ENTPD3: variants seen among roughly 807,000 people sequenced by gnomAD.
ENTPD3 encodes the protein CD39 antigen-like 3.
A neutral mutation model predicts 51.2 loss-of-function variants in ENTPD3; 60 were observed. That is an observed-to-expected ratio of 1.17 (90% CI 0.95 to 1.45). The LOEUF (loss-of-function observed/expected upper bound fraction) is 1.45, where lower values mean the gene tolerates loss of function less well. Ranked by LOEUF, ENTPD3 falls within the 40% of genes most tolerant of loss-of-function variation. The pLI is 0.00. For missense variants in ENTPD3, 593 were observed against 641.1 expected, an observed-to-expected ratio of 0.93 and a Z score of 0.81; for synonymous variants, 221 against 238.4, an observed-to-expected ratio of 0.93 and a Z score of 0.67.
At chr3:40,402,380 A>C (rs1575215111) in intron 4 of ENTPD3, among the ~76,000 whole-genome samples, 5 of 151,938 alleles carry the variant, frequency 3.3e-5, no homozygotes, top group Middle Eastern at 3.4e-3. Flanking sequence ...CGGCCTCCCA[A>C]AGTGCTGGGA....
In ENTPD3 at chr3:40,423,044, T is replaced by A; in HGVS notation, c.1026T>A (p.Phe342Leu). 1 of 1,614,146 alleles carries A rather than the reference T, an allele frequency of 6.2e-7. No individual in the cohort carries two copies. Among genetic ancestry groups the A allele is most frequent in the Non-Finnish European group, 8.5e-7 (1 of 1,180,002 alleles). The change falls in exon 8 of 11, where the codon TTT (phenylalanine) becomes TTA (leucine). Residue 342 changes from phenylalanine (F) to leucine (L), a missense_variant. Phe to Leu is a conservative substitution (Grantham distance 22). Coordinates refer to ENST00000301825, the MANE Select transcript of ENTPD3 (RefSeq NM_001248.4). ...GTAAGGAGAAGGTGGCTTCCATATT[T>A]GACTTCAAAGCTTGCCATGATCAAG... is the stretch of plus-strand genomic sequence containing the variant. ...SLCKEKVASI[F>L]DFKACHDQET... is the part of the protein sequence containing the mutation.
At chr3:40,406,227 G>T (rs1288933311) in intron 4 of ENTPD3, among the ~76,000 whole-genome samples, 1 of 152,150 alleles carries the variant, frequency 6.6e-6, no homozygotes, top group Admixed American at 6.5e-5. Context: ...ATGTGTGGGG[G>T]AAGAACATGC....
At chr3:40,420,152 A>G (rs72863254) in intron 7 of ENTPD3, among the ~76,000 whole-genome samples, 4,647 of 152,286 alleles carry the variant, frequency 0.031, 259 homozygotes, top group African/African-American at 0.11. Flanking sequence ...AGACTATACT[A>G]GAAAAGAAAA....
intron 7 of ENTPD3, among the ~76,000 whole-genome samples, chr3:40,418,072 G>A (rs977995534): frequency 1.3e-5 from 2 of 152,136 alleles, no homozygotes; most frequent in African/African-American, 4.8e-5. Context: ...CCTTTCTGAG[G>A]TCTGATTTAG....
At chr3:40,388,585 G>GACACACACACACACAC (rs55657804) in intron 2 of ENTPD3, among the ~76,000 whole-genome samples, 42 of 126,282 alleles carry the variant, frequency 3.3e-4, no homozygotes, top group East Asian at 8.9e-4. Flanking sequence ...CACACACACA[G>GACACACACACACACAC]ACACACACAC....
chr3:40,397,855 T>A (rs1955246231), intron 3 of ENTPD3, among the ~76,000 whole-genome samples: 1 of 152,148 alleles, frequency 6.6e-6, no homozygotes. Flanking sequence ...TGTCTTCAGA[T>A]CCACATTTGA....
In ENTPD3 at chr3:40,409,496, C is replaced by T. The variant is rs138652855; in HGVS notation, c.287-2316C>T. On this transcript the variant is annotated intron_variant, in intron 4 of 10. Coordinates refer to ENST00000301825, the MANE Select transcript of ENTPD3 (RefSeq NM_001248.4). ...GTTGAGAAAGCCTGTCCTTGCTTCT[C>T]TAGCACTGTCGATGAAATCCACGTC... Among the ~76,000 whole-genome samples the T allele has an allele frequency of 4.2e-3, 632 of 152,276 alleles. 2 individuals are homozygous for T. The highest frequency in any genetic ancestry group is 0.014 in the African/African-American group (579 of 41,550).
At position 40,391,835 on chromosome 3, in the gene ENTPD3, T is replaced by C. The variant is rs1955062496; in HGVS notation, c.41-188T>C. 7.6e-6 allele frequency: 5 copies of C among 657,200 alleles called. No homozygotes were observed. In the Admixed American group the frequency reaches 1.1e-4, roughly 14 times the overall value. The allele number at this position is 657,200 out of a possible 1,614,324, so 40.7% of individuals were successfully genotyped here. Reference sequence around the variant, plus strand: ...TGAGGAAGGGCAAATAGGTATTGTTTGTGCTTCCCCAAAACTGGGGAGAAG... The same window carrying C: ...TGAGGAAGGGCAAATAGGTATTGTTCGTGCTTCCCCAAAACTGGGGAGAAG... On this transcript the variant is annotated intron_variant, in intron 2 of 10. Coordinates refer to ENST00000301825, the MANE Select transcript of ENTPD3 (RefSeq NM_001248.4).
At chr3:40,411,714 C>G in intron 4 of ENTPD3, 98 bp from the exon 5 acceptor site, 1 of 1,345,312 alleles carries the variant, frequency 7.4e-7, no homozygotes, top group Non-Finnish European at 1.0e-6. Flanking sequence ...CTACCAAACC[C>G]CAATAATTTT....
chr3:40,389,925 T>C (rs1383141904), intron 2 of ENTPD3, among the ~76,000 whole-genome samples: 1 of 152,212 alleles, frequency 6.6e-6, no homozygotes, highest in Non-Finnish European at 1.5e-5. Flanking sequence ...ATCTATCCAA[T>C]TGCTGTTCAA....
chr3:40,412,391 T>C (rs1057401961), intron 5 of ENTPD3, among the ~76,000 whole-genome samples: 1 of 152,250 alleles, frequency 6.6e-6, no homozygotes, highest in African/African-American at 2.4e-5. Context: ...AACAATGGCA[T>C]GTCTGCACCT....
chr3:40,401,706 C>T (rs1310020656), intron 4 of ENTPD3, among the ~76,000 whole-genome samples: 1 of 152,154 alleles, frequency 6.6e-6, no homozygotes, highest in Non-Finnish European at 1.5e-5. Context: ...ATATAATTCT[C>T]ATATCATGAA....
At chr3:40,392,721 C>T (rs1427254344) in intron 3 of ENTPD3, among the ~76,000 whole-genome samples, 3 of 151,794 alleles carry the variant, frequency 2.0e-5, no homozygotes, top group Admixed American at 6.6e-5. Context: ...TTCGAGAGGC[C>T]GAGGAAGAAG....
chr3:40,388,639 C>A (rs1954995640), intron 2 of ENTPD3, among the ~76,000 whole-genome samples: 1 of 150,472 alleles, frequency 6.6e-6, no homozygotes, highest in African/African-American at 2.4e-5. Context: ...TAAGCTTGCC[C>A]CGCCTGCCTC....
intron 2 of ENTPD3, among the ~76,000 whole-genome samples, chr3:40,388,767 G>A (rs1482013715): frequency 6.6e-6 from 1 of 152,154 alleles, no homozygotes; most frequent in East Asian, 1.9e-4. Flanking sequence ...ACAGCTCTAG[G>A]CTGCATTTCC....
intron 4 of ENTPD3, among the ~76,000 whole-genome samples, chr3:40,409,170 T>C (rs1955570922): frequency 6.6e-6 from 1 of 152,030 alleles, no homozygotes; most frequent in Non-Finnish European, 1.5e-5. Flanking sequence ...GAGAATCACT[T>C]GAACCTGGGA....
In ENTPD3 at chr3:40,400,928, CCA is replaced by C. The variant is rs747075884; in HGVS notation, c.206_207del (p.Thr69SerfsTer13). 7.4e-6 allele frequency: 12 copies of C among 1,613,956 alleles called. No homozygotes were observed. Among genetic ancestry groups the C allele is most frequent in the Non-Finnish European group, 1.0e-5 (12 of 1,179,984 alleles). ...GTGCTGGATGCCGGGTCTTCAAGAA[CCA>C]CAGTCTACGTGTATCAATGGCCAGC... On this transcript the variant is annotated frameshift_variant, in exon 4 of 11. Transcript: ENST00000301825. LOFTEE classifies it high-confidence loss of function.
chr3:40,419,214 C>T (rs539218322), intron 7 of ENTPD3, among the ~76,000 whole-genome samples: 8 of 152,192 alleles, frequency 5.3e-5, no homozygotes, highest in Admixed American at 2.0e-4. Flanking sequence ...ATAATCTTAG[C>T]GATTTTATTT....
intron 3 of ENTPD3, among the ~76,000 whole-genome samples, chr3:40,392,777 G>C (rs562475671): frequency 3.6e-4 from 54 of 151,998 alleles, no homozygotes; most frequent in African/African-American, 1.2e-3. Flanking sequence ...GCAATATAGA[G>C]AGACTCCATC....
Sources: gnomAD v4.1 joint callset for allele counts (sites outside exome capture counted in the v4.1 genomes callset) on GRCh38, gnomAD v4.1.1 for gene constraint, MANE v1.5 for transcripts, NCBI Gene and HGNC (gene_info 2026-07-23, HGNC 2026-07-21) for gene names.